The following ASB18 variants were observed in gnomAD, a reference collection of about 807,000 sequenced individuals.
The protein encoded by ASB18 is ankyrin repeat and SOCS box protein 18.
A neutral mutation model predicts 33.4 loss-of-function variants in ASB18; 33 were observed. The ratio of observed to expected loss-of-function variants is 0.99; its 90% CI spans 0.75 to 1.32. The LOEUF (loss-of-function observed/expected upper bound fraction) is 1.32, where lower values mean the gene tolerates loss of function less well. ASB18 is among the 40% of genes most tolerant of loss of function. ASB18 has a pLI of 0.00. For synonymous variants in ASB18, 295 were observed against 307.6 expected (o/e 0.96, Z 0.43); for missense variants, 694 against 655.5 (o/e 1.06, Z -0.64).
Position 236,248,926 on chromosome 2 carries a change from C to T in ASB18, c.206-7524G>A, listed in dbSNP as rs537036078. On this transcript the variant is annotated intron_variant, in intron 1 of 5. Coordinates refer to ENST00000409749, the MANE Select transcript of ASB18 (RefSeq NM_212556.4). This position sits in a 1 kb window ranked among gnomAD's most constrained non-coding sequence, Gnocchi z 4.9. ...ATAGGAATCTGTTGTCCTTGTGAAT[C>T]GAATGACTGAAACAGCTATTCACTA... The T allele has an allele frequency of 3.9e-5, 6 of 152,188 alleles. No homozygotes were observed. Among genetic ancestry groups the T allele is most frequent in the South Asian group, 2.1e-4 (1 of 4,832 alleles). The allele number at this position is 152,188 out of a possible 1,614,324, so 9.4% of individuals were successfully genotyped here.
In ASB18 at chr2:236,257,745, T is replaced by C. The variant is rs1394886795; in HGVS notation, c.205+6396A>G. 1.3e-5 allele frequency among the ~76,000 whole-genome samples: 2 copies of C among 152,128 alleles called. No individual in the cohort carries two copies. The highest frequency in any genetic ancestry group is 6.5e-5 in the Admixed American group (1 of 15,268). Reference sequence around the variant, plus strand: ...CTGTTGACCAGCAAGTGAACACAGGTGAGCAGCAGTGTTCCGGTCTGTAGA... The same window carrying C: ...CTGTTGACCAGCAAGTGAACACAGGCGAGCAGCAGTGTTCCGGTCTGTAGA... On this transcript the variant is annotated intron_variant, in intron 1 of 5. Transcript: ENST00000409749. This position sits in a 1 kb window ranked among gnomAD's most constrained non-coding sequence, Gnocchi z 5.5.
chr2:236,196,371 A>G lies in ASB18; in HGVS notation c.1116T>C (p.Cys372=), dbSNP rs201438348. 6.5e-4 allele frequency: 1,015 copies of G among 1,561,898 alleles called. 11 individuals are homozygous for G. Among genetic ancestry groups the G allele is most frequent in the South Asian group, 6.4e-3 (546 of 84,712 alleles). ...CCTCGATGACTGCGGGGACAGATGC[A>G]CAGGTCTTCAGCACCTGGTGGGAAG... ...PDAFPKVLKT[C]ASVPAVIEVL... is the part of the protein sequence containing the mutation. Residue 372 remains cysteine, a synonymous_variant, in exon 5 of 6, where the codon TGT becomes TGC. Transcript: ENST00000409749. The surrounding 1 kb of genome is among the most constrained non-coding windows in gnomAD (Gnocchi z 5.6).
rs1314543842 is a variant in ASB18 at position 236,260,043 on chromosome 2, G to T, written c.205+4098C>A. Among the ~76,000 whole-genome samples the T allele has an allele frequency of 6.6e-6, 1 of 152,208 alleles. No homozygotes were observed. Among genetic ancestry groups the T allele is most frequent in the Non-Finnish European group, 1.5e-5 (1 of 68,034 alleles). The stretch of plus-strand genomic sequence containing the variant: ...TTTCTTTCTGTTCTATTTGGTGGGA[G>T]TAGTAAGTTCACAGGCCGATGAGCA... On this transcript the variant is annotated intron_variant, in intron 1 of 5. Coordinates refer to ENST00000409749, the MANE Select transcript of ASB18 (RefSeq NM_212556.4). This position sits in a 1 kb window ranked among gnomAD's most constrained non-coding sequence, Gnocchi z 5.1.
chr2:236,202,696 T>C (rs2060409954), intron 4 of ASB18, among the ~76,000 whole-genome samples: 1 of 149,496 alleles, frequency 6.7e-6, no homozygotes, highest in Non-Finnish European at 1.5e-5. Context: ...GGAGGATCAC[T>C]TGAACCCAGG....
Position 236,219,343 on chromosome 2 carries a change from C to T in ASB18, c.597-4477G>A, listed in dbSNP as rs1218380804. On this transcript the variant is annotated intron_variant, in intron 3 of 5. Transcript: ENST00000409749. This position sits in a 1 kb window ranked among gnomAD's most constrained non-coding sequence, Gnocchi z 6.4. Reference sequence around the variant, plus strand: ...GAGGTTATTAATAACAAAACCATCCCCACCTGCTCCAGCAACAGCTCCTGG... The same window carrying T: ...GAGGTTATTAATAACAAAACCATCCTCACCTGCTCCAGCAACAGCTCCTGG... Among the ~76,000 whole-genome samples the T allele has an allele frequency of 6.6e-6, 1 of 152,166 alleles. No homozygotes were observed. Among genetic ancestry groups the T allele is most frequent in the Non-Finnish European group, 1.5e-5 (1 of 68,030 alleles).
chr2:236,239,164 C>G lies in ASB18; in HGVS notation c.329-1208G>C, dbSNP rs570603314. 2.6e-5 allele frequency among the ~76,000 whole-genome samples: 4 copies of G among 152,292 alleles called. No homozygotes were observed. In the South Asian group the frequency reaches 8.3e-4, roughly 32 times the overall value. ...TGTAGTCTATCTACATTGTTATCCC[C>G]GTGATAACAATAACCTACATTCCTG... On this transcript the variant is annotated intron_variant, in intron 2 of 5. Transcript: ENST00000409749. This position sits in a 1 kb window ranked among gnomAD's most constrained non-coding sequence, Gnocchi z 5.6.
At position 236,250,755 on chromosome 2, in the gene ASB18, T is replaced by C. The variant is rs2060665119; in HGVS notation, c.206-9353A>G. On this transcript the variant is annotated intron_variant, in intron 1 of 5. Transcript: ENST00000409749. The surrounding 1 kb of genome is among the most constrained non-coding windows in gnomAD (Gnocchi z 4.1). ...CACTTCCTGCAGAATTAAAAAAATATATTTTAAAAGTAAGAAGCTGGGCAG... is the reference window on the plus strand; with the variant it reads ...CACTTCCTGCAGAATTAAAAAAATACATTTTAAAAGTAAGAAGCTGGGCAG... 1 of 152,182 alleles carries C rather than the reference T, an allele frequency of 6.6e-6. No homozygotes were observed. Among genetic ancestry groups the C allele is most frequent in the Admixed American group, 6.5e-5 (1 of 15,272 alleles). 9.4% of individuals were successfully genotyped at this position (152,182 alleles called of 1,614,324 possible).
Position 236,249,889 on chromosome 2 carries a change from T to C in ASB18, c.206-8487A>G, listed in dbSNP as rs181354860. On this transcript the variant is annotated intron_variant, in intron 1 of 5. Coordinates refer to ENST00000409749, the MANE Select transcript of ASB18 (RefSeq NM_212556.4). The surrounding 1 kb of genome is among the most constrained non-coding windows in gnomAD (Gnocchi z 4.6). ...GGTAGTCAACTGGATTAAAATATAC[T>C]TTTGCAAAGAATATTTTGGAGACTT... is the stretch of plus-strand genomic sequence containing the variant. The C allele has an allele frequency of 1.5e-4, 23 of 152,330 alleles. No individual in the cohort carries two copies. Among genetic ancestry groups the C allele is most frequent in the Non-Finnish European group, 2.6e-4 (18 of 68,028 alleles). 9.4% of individuals were successfully genotyped at this position (152,330 alleles called of 1,614,324 possible). A position where few individuals can be genotyped will look rare whatever the true frequency, so the allele number is the denominator to read the frequency against.
rs570603314 is a variant in ASB18 at position 236,239,164 on chromosome 2, C to T, written c.329-1208G>A. Among the ~76,000 whole-genome samples, 10 of 152,174 alleles carry T rather than the reference C, an allele frequency of 6.6e-5. No homozygotes were observed. The highest frequency in any genetic ancestry group is 1.2e-4 in the Non-Finnish European group (8 of 68,032). Reference sequence around the variant, plus strand: ...TGTAGTCTATCTACATTGTTATCCCCGTGATAACAATAACCTACATTCCTG... The same window carrying T: ...TGTAGTCTATCTACATTGTTATCCCTGTGATAACAATAACCTACATTCCTG... On this transcript the variant is annotated intron_variant, in intron 2 of 5. Coordinates refer to ENST00000409749, the MANE Select transcript of ASB18 (RefSeq NM_212556.4). This position sits in a 1 kb window ranked among gnomAD's most constrained non-coding sequence, Gnocchi z 5.6.
intron 4 of ASB18, among the ~76,000 whole-genome samples, chr2:236,206,893 G>A (rs772656736): frequency 6.6e-6 from 1 of 152,232 alleles, no homozygotes; most frequent in Non-Finnish European, 1.5e-5. Context: ...GCCATCCGCT[G>A]GAAGCAAGTT....
rs779998824 is a variant in ASB18 at position 236,237,649 on chromosome 2, G to C, written c.596+40C>G. The C allele has an allele frequency of 5.9e-6, 8 of 1,361,950 alleles. No individual in the cohort carries two copies. The South Asian group carries it at 1.0e-4, about 17-fold the overall frequency. The allele number at this position is 1,361,950 out of a possible 1,614,324, so 84.4% of individuals were successfully genotyped here. A position where few individuals can be genotyped will look rare whatever the true frequency, so the allele number is the denominator to read the frequency against. ...GGGGGGAGGCGGGCGTCTGGTCTCG[G>C]GGCGGGGCGGACGCCGCGGGCCTGT... On this transcript the variant is annotated intron_variant, in intron 3 of 5. Transcript: ENST00000409749. The surrounding 1 kb of genome is among the most constrained non-coding windows in gnomAD (Gnocchi z 6.2).
Position 236,220,952 on chromosome 2 carries a change from G to C in ASB18, c.597-6086C>G, listed in dbSNP as rs187388722. 6.6e-6 allele frequency among the ~76,000 whole-genome samples: 1 copy of C among 152,280 alleles called. No homozygotes were observed. Among genetic ancestry groups the C allele is most frequent in the East Asian group, 1.9e-4 (1 of 5,180 alleles). ...CGACAGGACACTGAAGGCAGGGCAA[G>C]GCGACCCATGGACCTCATTCTACGG... On this transcript the variant is annotated intron_variant, in intron 3 of 5. Transcript: ENST00000409749. The surrounding 1 kb of genome is among the most constrained non-coding windows in gnomAD (Gnocchi z 5.1).
rs1284173927 is a variant in ASB18 at position 236,214,708 on chromosome 2, C to G, written c.755G>C (p.Gly252Ala). Residue 252 changes from glycine to alanine, a missense_variant, in exon 4 of 6, where the codon GGA becomes GCA. By Grantham distance (60) the Gly-to-Ala change is moderately conservative (BLOSUM62 0). Coordinates refer to ENST00000409749, the MANE Select transcript of ASB18 (RefSeq NM_212556.4). This position sits in a 1 kb window ranked among gnomAD's most constrained non-coding sequence, Gnocchi z 6.5. ...GAHVDARNGR[G>A]ETALSAACGA... The stretch of plus-strand genomic sequence containing the variant: ...GCAGGCCGCGCTCAGAGCCGTCTCT[C>G]CGCGGCCGTTCCTCGCGTCCACGTG... The G allele has an allele frequency of 1.1e-5, 13 of 1,152,332 alleles. No homozygotes were observed. Among genetic ancestry groups the G allele is most frequent in the Non-Finnish European group, 7.5e-6 (7 of 937,854 alleles). 71.4% of individuals were successfully genotyped at this position (1,152,332 alleles called of 1,614,324 possible). A position where few individuals can be genotyped will look rare whatever the true frequency, so the allele number is the denominator to read the frequency against.
chr2:236,210,769 G>C (rs941473246), intron 4 of ASB18, among the ~76,000 whole-genome samples: 8 of 152,160 alleles, frequency 5.3e-5, no homozygotes, highest in Admixed American at 3.3e-4. Flanking sequence ...TAAACTGAGC[G>C]GTGAATCAAG....
At chr2:236,210,194 C>T (rs1261723725) in intron 4 of ASB18, among the ~76,000 whole-genome samples, 1 of 152,194 alleles carries the variant, frequency 6.6e-6, no homozygotes, top group Non-Finnish European at 1.5e-5. Context: ...GTACCAAGCA[C>T]CCAAGTTCCC....
In ASB18 at chr2:236,264,061, C is replaced by T. The variant is rs369729904; in HGVS notation, c.205+80G>A. 4.7e-6 allele frequency: 6 copies of T among 1,267,852 alleles called. No homozygotes were observed. The highest frequency in any genetic ancestry group is 1.9e-5 in the Admixed American group (1 of 51,606). The allele number at this position is 1,267,852 out of a possible 1,614,324, so 78.5% of individuals were successfully genotyped here. On this transcript the variant is annotated intron_variant, in intron 1 of 5. Coordinates refer to ENST00000409749, the MANE Select transcript of ASB18 (RefSeq NM_212556.4). The surrounding 1 kb of genome is among the most constrained non-coding windows in gnomAD (Gnocchi z 5.1). The stretch of plus-strand genomic sequence containing the variant: ...CATTTACTTTTTCCAAACATTTGCC[C>T]CTCTACCTCCAGGATCTGCCCACCC...
Position 236,263,484 on chromosome 2 carries a change from C to A in ASB18, c.205+657G>T, listed in dbSNP as rs1163187778. ...GGTGAGGTTGTGGTGAAACACATCA[C>A]CTCACTGTCAGAGGGAACAGAAACC... On this transcript the variant is annotated intron_variant, in intron 1 of 5. Transcript: ENST00000409749. The surrounding 1 kb of genome is among the most constrained non-coding windows in gnomAD (Gnocchi z 4.0). Among the ~76,000 whole-genome samples the A allele has an allele frequency of 1.3e-5, 2 of 152,188 alleles. No homozygotes were observed. Among genetic ancestry groups the A allele is most frequent in the Admixed American group, 6.5e-5 (1 of 15,282 alleles).
rs1213272596 is a variant in ASB18 at position 236,196,293 on chromosome 2, C to T, written c.1194G>A (p.Val398=). ...QLCLSESWKE[V]IPEEVFQMHK... ...TTGCCTGGAATACTTCCTCAGGAAT[C>T]ACTTCCTTCCAGGACTCTGACAAGC... The change falls in exon 5 of 6, where the codon GTG becomes GTA. Residue 398 remains valine (V), a synonymous_variant. Transcript: ENST00000409749. This position sits in a 1 kb window ranked among gnomAD's most constrained non-coding sequence, Gnocchi z 5.6. 6.4e-7 allele frequency: 1 copy of T among 1,555,204 alleles called. No homozygotes were observed. Among genetic ancestry groups the T allele is most frequent in the Admixed American group, 1.9e-5 (1 of 51,974 alleles).
chr2:236,241,373 C>T lies in ASB18; in HGVS notation c.235G>A (p.Asp79Asn). 6.2e-7 allele frequency: 1 copy of T among 1,613,964 alleles called. No homozygotes were observed. The highest frequency in any genetic ancestry group is 2.2e-5 in the East Asian group (1 of 44,866). ...GDLDHLKPLM[D>N]QFFQDANVVF... ...ACGTTGGCATCCTGGAAGAACTGGT[C>T]CATGAGGGGCTTCAGATGGTCGAGG... The change falls in exon 2 of 6, where the codon GAC (aspartate) becomes AAC (asparagine). Residue 79 changes from aspartate (D) to asparagine (N), a missense_variant. Asp to Asn is a conservative substitution (Grantham distance 23, BLOSUM62 1). Coordinates refer to ENST00000409749, the MANE Select transcript of ASB18 (RefSeq NM_212556.4). The surrounding 1 kb of genome is among the most constrained non-coding windows in gnomAD (Gnocchi z 4.2).
Sources: gnomAD v4.1 joint callset for allele counts (sites outside exome capture counted in the v4.1 genomes callset) on GRCh38, gnomAD v4.1.1 for gene constraint, Gnocchi (gnomAD v3.1) non-coding constraint, MANE v1.5 for transcripts, NCBI Gene and HGNC (gene_info 2026-07-23, HGNC 2026-07-21) for gene names.